The following CNBD1 variants were observed in gnomAD, a reference collection of about 807,000 sequenced individuals.
CNBD1 encodes the protein cyclic nucleotide binding domain containing 1.
A neutral mutation model predicts 54.4 loss-of-function variants in CNBD1; 71 were observed. The ratio of observed to expected loss-of-function variants is 1.30; its 90% confidence interval spans 1.08 to 1.59. CNBD1 has a LOEUF of 1.59. CNBD1 is among the 40% of genes most tolerant of loss of function. CNBD1 has a pLI of 0.00. For missense variants in CNBD1, 659 were observed against 518.0 expected (o/e 1.27, Z -2.64); for synonymous variants, 182 against 170.7 (o/e 1.07, Z -0.51).
intron 6 of CNBD1, among the ~76,000 whole-genome samples, chr8:87,242,368 A>G (rs1232835505): frequency 6.6e-6 from 1 of 151,700 alleles, no homozygotes; most frequent in Non-Finnish European, 1.5e-5. Flanking sequence ...TTTACAATCT[A>G]TTATGTCTGA....
chr8:87,130,349 A>C (rs2130725579), intron 4 of CNBD1, among the ~76,000 whole-genome samples: 1 of 152,256 alleles, frequency 6.6e-6, no homozygotes. Context: ...TGAATTTTCC[A>C]TCTGCTCTTG....
chr8:87,001,697 T>G (rs940044161), intron 4 of CNBD1, among the ~76,000 whole-genome samples: 2 of 152,230 alleles, frequency 1.3e-5, no homozygotes, highest in Non-Finnish European at 2.9e-5. Flanking sequence ...TAATTAAGGA[T>G]GAACTCAGCA....
chr8:86,914,976 A>G (rs1025885583), intron 3 of CNBD1, among the ~76,000 whole-genome samples: 2 of 152,198 alleles, frequency 1.3e-5, no homozygotes, highest in Admixed American at 1.3e-4. Flanking sequence ...CAATTTATCA[A>G]GGCAGGGAAA....
intron 3 of CNBD1, among the ~76,000 whole-genome samples, chr8:86,912,017 A>G (rs1809107920): frequency 6.6e-6 from 1 of 152,130 alleles, no homozygotes. Context: ...TGCAAGAATA[A>G]TATTATTAAA....
chr8:87,387,654 A>G (rs144857247), downstream of CNBD1, among the ~76,000 whole-genome samples: 136 of 152,262 alleles, frequency 8.9e-4, 1 homozygote, highest in Non-Finnish European at 1.0e-3. Context: ...CACAATCATA[A>G]TGGGAGACCT....
chr8:87,311,921 A>T (rs773143753), intron 8 of CNBD1, among the ~76,000 whole-genome samples: 1 of 152,090 alleles, frequency 6.6e-6, no homozygotes, highest in Non-Finnish European at 1.5e-5. Context: ...AAAGGTGCCA[A>T]CTGTAGACAA....
At chr8:87,350,492 T>C (rs1810263986) in intron 8 of CNBD1, among the ~76,000 whole-genome samples, 1 of 151,862 alleles carries the variant, frequency 6.6e-6, no homozygotes, top group African/African-American at 2.4e-5. Context: ...TGGTAAATTA[T>C]ATTTAACAAT....
rs71525083 is a variant in CNBD1, at chr8:87,076,643, C to T, written c.432-129350C>T. Among the ~76,000 whole-genome samples, 251 of 152,076 alleles carry T rather than the reference C, an allele frequency of 1.7e-3. 1 individual carries two copies. Among genetic ancestry groups the T allele is most frequent in the Admixed American group, 2.7e-3 (41 of 15,266 alleles). On this transcript the variant is annotated intron_variant, in intron 4 of 10. Coordinates refer to ENST00000518476, the MANE Select transcript of CNBD1 (RefSeq NM_173538.3). ...ATTTTTAGTAGAGATGGGGTTTCAT[C>T]GTGTTAGCCAGGATAGTCTCGATCT...
chr8:87,241,239 C>T (rs1165758380), intron 6 of CNBD1, among the ~76,000 whole-genome samples: 1 of 147,548 alleles, frequency 6.8e-6, no homozygotes, highest in African/African-American at 2.6e-5. Flanking sequence ...CTTAAAATAG[C>T]ATTGGGCACA....
chr8:87,264,109 T>C (rs1001627930), intron 6 of CNBD1, among the ~76,000 whole-genome samples: 1 of 152,098 alleles, frequency 6.6e-6, no homozygotes, highest in Non-Finnish European at 1.5e-5. Flanking sequence ...AACTCGTCAT[T>C]TAACATTAGG....
chr8:87,220,493 G>C (rs1431314449), intron 5 of CNBD1, among the ~76,000 whole-genome samples: 1 of 143,642 alleles, frequency 7.0e-6, no homozygotes, highest in Non-Finnish European at 1.5e-5. Flanking sequence ...TCCCCTAACT[G>C]TCCAAGTTTT....
At chr8:87,068,821 C>T (rs897976776) in intron 4 of CNBD1, among the ~76,000 whole-genome samples, 1 of 151,954 alleles carries the variant, frequency 6.6e-6, no homozygotes, top group African/African-American at 2.4e-5. Flanking sequence ...CCTCTCTCAG[C>T]CAAGAGGGAA....
intron 4 of CNBD1, among the ~76,000 whole-genome samples, chr8:87,037,220 T>C (rs1809967949): frequency 6.6e-6 from 1 of 152,188 alleles, no homozygotes; most frequent in Non-Finnish European, 1.5e-5. Context: ...TTCACAATTC[T>C]TTAAAAGTGC....
intron 4 of CNBD1, among the ~76,000 whole-genome samples, chr8:86,998,225 A>G (rs1397632502): frequency 1.3e-5 from 2 of 150,256 alleles, no homozygotes; most frequent in Non-Finnish European, 3.0e-5. Context: ...TTTTTTTAAT[A>G]TATATTGCTG....
At chr8:86,889,105 G>C (rs1808727472) in intron 2 of CNBD1, among the ~76,000 whole-genome samples, 2 of 152,106 alleles carry the variant, frequency 1.3e-5, no homozygotes, top group Admixed American at 6.6e-5. Flanking sequence ...TCCTGAAATT[G>C]TTGGATGTGT....
chr8:87,425,060 T>G (rs1460103234), intron 2 of CNBD1, among the ~76,000 whole-genome samples: 2 of 152,130 alleles, frequency 1.3e-5, no homozygotes, highest in African/African-American at 2.4e-5. Context: ...TCTCGCTTCA[T>G]TTCATTCATT....
chr8:87,372,323 G>T (rs1317825992), intron 10 of CNBD1, among the ~76,000 whole-genome samples: 3 of 151,936 alleles, frequency 2.0e-5, no homozygotes, highest in South Asian at 4.1e-4. Flanking sequence ...CCCTGTTGTA[G>T]ATATCTTTTA....
At chr8:87,374,722 C>A (rs940759126) in intron 10 of CNBD1, among the ~76,000 whole-genome samples, 11 of 151,922 alleles carry the variant, frequency 7.2e-5, no homozygotes, top group African/African-American at 2.7e-4. Context: ...ATCTCACTCA[C>A]TGTCTGGAAG....
chr8:87,294,602 A>G (rs1363567922), intron 8 of CNBD1, among the ~76,000 whole-genome samples: 1 of 152,246 alleles, frequency 6.6e-6, no homozygotes, highest in Non-Finnish European at 1.5e-5. Flanking sequence ...GAGCCCAAGC[A>G]TAAAGATAGT....
Sources: allele counts gnomAD v4.1 joint callset (sites outside exome capture counted in the v4.1 genomes callset), GRCh38; gene constraint gnomAD v4.1.1; transcripts MANE v1.5; gene names NCBI Gene and HGNC (gene_info 2026-07-23, HGNC 2026-07-21).